RIC3: variants seen among roughly 807,000 people sequenced by gnomAD.
RIC3 encodes protein RIC-3.
In RIC3, 28 loss-of-function variants were observed where a neutral mutation model predicts 27.3. The observed-to-expected ratio is 1.02, with a 90% CI of 0.76 to 1.41. The LOEUF is 1.41. Among genes scored for constraint, RIC3 ranks in the 40% most tolerant of loss-of-function variants. The pLI, the probability that RIC3 is intolerant of heterozygous loss-of-function variation, is 0.00. For missense variants in RIC3, 501 were observed against 444.7 expected (o/e 1.13, Z -1.14); for synonymous variants, 184 against 160.4 (o/e 1.15, Z -1.11).
the RIC3 span, chr11:8,100,748 T>G: frequency 6.3e-7 from 1 of 1,582,978 alleles, no homozygotes; most frequent in Admixed American, 1.7e-5. Context: ...AGGACCCCCA[T>G]TCCCGGGATA....
In RIC3 at chr11:8,142,249, G is replaced by C. The variant is rs1370704470; in HGVS notation, c.125-2056C>G. On this transcript the variant is annotated intron_variant, in intron 1 of 5. Coordinates refer to ENST00000309737, the MANE Select transcript of RIC3 (RefSeq NM_001206671.4). ...TAATGAATCCAGGAGCTGGTTTTTT[G>C]AAAGGATCAACAAAATTGATAGACC... 2.3e-3 allele frequency among the ~76,000 whole-genome samples: 316 copies of C among 134,526 alleles called. 3 individuals are homozygous for C. The highest frequency in any genetic ancestry group is 9.4e-3 in the African/African-American group (291 of 31,088). The allele number at this position is 134,526 out of a possible 152,430, so 88.3% of individuals were successfully genotyped here.
At chr11:8,153,061 TATTAGA>T (rs1950376890) in intron 1 of RIC3, among the ~76,000 whole-genome samples, 2 of 152,204 alleles carry the variant, frequency 1.3e-5, no homozygotes, top group African/African-American at 4.8e-5. Context: ...AGGAAACCTG[TATTAGA>T]ATTAAGGTTA....
At chr11:8,093,085 A>G in the RIC3 span, among the ~76,000 whole-genome samples, 1 of 152,112 alleles carries the variant, frequency 6.6e-6, no homozygotes, top group Non-Finnish European at 1.5e-5. Flanking sequence ...AGGTGGAGAG[A>G]CAATGTTAAA....
chr11:8,130,768 G>T (rs1023518109), intron 4 of RIC3, among the ~76,000 whole-genome samples: 4 of 43,260 alleles, frequency 9.2e-5, no homozygotes, highest in Non-Finnish European at 1.4e-4. Context: ...GTGTGTTGTG[G>T]GGGGGAGAGA....
At chr11:8,094,243 G>A in the RIC3 span, 5 of 1,540,028 alleles carry the variant, frequency 3.2e-6, no homozygotes, top group Non-Finnish European at 4.4e-6. Flanking sequence ...CCACTGTAGG[G>A]CTGGGGAAGG....
rs1948890251 is a variant in RIC3 at position 8,140,164 on chromosome 11, G to C, written c.154C>G (p.His52Asp). Residue 52 changes from histidine to aspartate, a missense_variant, in exon 2 of 6, where the codon CAT becomes GAT. Transcript: ENST00000309737. ...GKLGRFPPMM[H>D]HHQAPSDGQT... Reference sequence around the variant, plus strand: ...CCATCTGAGGGTGCCTGGTGATGATGCATCATAGGTGGAAATCGGCCCAAT... The same window carrying C: ...CCATCTGAGGGTGCCTGGTGATGATCCATCATAGGTGGAAATCGGCCCAAT... 1.2e-6 allele frequency: 2 copies of C among 1,613,582 alleles called. No homozygotes were observed. Among genetic ancestry groups the C allele is most frequent in the Admixed American group, 1.7e-5 (1 of 59,862 alleles).
chr11:8,114,521 G>A (rs531225876), intron 5 of RIC3, among the ~76,000 whole-genome samples: 5 of 151,350 alleles, frequency 3.3e-5, no homozygotes, highest in Non-Finnish European at 7.4e-5. Context: ...CAGAAGAATC[G>A]CTTGAACCCA....
the RIC3 span, chr11:8,095,487 G>A: frequency 3.8e-5 from 61 of 1,602,414 alleles, no homozygotes; most frequent in African/African-American, 5.4e-5. Flanking sequence ...AGGCGTGTCC[G>A]TGGCCTGCAG....
intron 2 of RIC3, chr11:8,139,651 TTTTTTTTTTTG>T: frequency 6.0e-6 from 1 of 166,152 alleles, no homozygotes; most frequent in Non-Finnish European, 1.3e-5. Flanking sequence ...TTTTTTTTTT[TTTTTTTTTTTG>T]GCAGGGGAGT....
intron 5 of RIC3, among the ~76,000 whole-genome samples, chr11:8,125,758 C>T (rs777677154): frequency 4.6e-5 from 7 of 152,274 alleles, no homozygotes; most frequent in South Asian, 4.1e-4. Context: ...TGGCCGGGCG[C>T]GGTGGCCCAC....
chr11:8,165,568 G>C (rs984194949), intron 1 of RIC3, among the ~76,000 whole-genome samples: 1 of 152,130 alleles, frequency 6.6e-6, no homozygotes, highest in Non-Finnish European at 1.5e-5. Context: ...AAAAAGTACA[G>C]GGTTTCTTTG....
At position 8,106,088 on chromosome 11, in the gene RIC3, ATAAACTTTGGTATTCTGGAGC is replaced by A. The variant is rs933050166; in HGVS notation, c.*4589_*4609del. On this transcript the variant is annotated 3_prime_UTR_variant, in exon 6 of 6. Transcript: ENST00000309737. ...AACTGTGCTTTTATTGACTTTTTGA[ATAAACTTTGGTATTCTGGAGC>A]AAATGTATTTATTTATTGGTATGTG... 4 of 152,176 alleles carry A rather than the reference ATAAACTTTGGTATTCTGGAGC, an allele frequency of 2.6e-5. No homozygotes were observed. Among genetic ancestry groups the A allele is most frequent in the African/African-American group, 9.7e-5 (4 of 41,434 alleles). 9.4% of individuals were successfully genotyped at this position (152,176 alleles called of 1,614,324 possible).
Position 8,126,774 on chromosome 11 carries a change from T to C in RIC3, c.555A>G (p.Lys185=), listed in dbSNP as rs1192646069. The part of the protein sequence containing the change: ...RAQTVTSDQE[K]RLLHQLREIT... ...TTTCTCGGAGCTGATGTAGCAACCG[T>C]TTCTCTTGGTCAGAAGTCACAGTCT... is the stretch of plus-strand genomic sequence containing the variant. Residue 185 remains lysine (K), a synonymous_variant, in exon 5 of 6, where the codon AAA becomes AAG. Transcript: ENST00000309737. The C allele has an allele frequency of 1.9e-6, 3 of 1,614,142 alleles. No homozygotes were observed. The highest frequency in any genetic ancestry group is 3.3e-5 in the Admixed American group (2 of 60,020).
At chr11:8,163,383 G>A (rs1273865595) in intron 1 of RIC3, among the ~76,000 whole-genome samples, 2 of 151,902 alleles carry the variant, frequency 1.3e-5, no homozygotes, top group African/African-American at 4.8e-5. Context: ...GACAAGAAAG[G>A]ATGTTTGTTC....
intron 1 of RIC3, 151 bp from the exon 2 acceptor site, chr11:8,140,344 C>T: frequency 1.5e-6 from 1 of 688,444 alleles, no homozygotes; most frequent in Non-Finnish European, 2.4e-6. Flanking sequence ...AGGTATCACA[C>T]ATATCCTAAA....
intron 1 of RIC3, among the ~76,000 whole-genome samples, chr11:8,146,875 T>G (rs1316980580): frequency 6.6e-6 from 1 of 152,166 alleles, no homozygotes; most frequent in Non-Finnish European, 1.5e-5. Context: ...GACCAGGTTT[T>G]TCAATTTTAC....
chr11:8,132,920 C>T (rs764890131), intron 4 of RIC3, among the ~76,000 whole-genome samples: 39 of 152,288 alleles, frequency 2.6e-4, no homozygotes, highest in Non-Finnish European at 4.6e-4. Flanking sequence ...TTAAAGGACA[C>T]AAACTGTAAG....
chr11:8,099,672 G>A, the RIC3 span, among the ~76,000 whole-genome samples: 2 of 152,216 alleles, frequency 1.3e-5, no homozygotes, highest in Non-Finnish European at 2.9e-5. Flanking sequence ...AGTGAAGTAA[G>A]TATGTTCTTT....
chr11:8,134,186 CTTCCT>C (rs1948085188), intron 4 of RIC3, among the ~76,000 whole-genome samples: 1 of 152,108 alleles, frequency 6.6e-6, no homozygotes, highest in African/African-American at 2.4e-5. Flanking sequence ...TGATGTTCCC[CTTCCT>C]GTGTCCAAGT....
Sources: gnomAD v4.1 joint callset for allele counts (sites outside exome capture counted in the v4.1 genomes callset) on GRCh38, gnomAD v4.1.1 for gene constraint, MANE v1.5 for transcripts, NCBI Gene and HGNC (gene_info 2026-07-23, HGNC 2026-07-21) for gene names.